ZNF197: variants seen among roughly 807,000 people sequenced by gnomAD.
ZNF197 encodes zinc finger protein 197, also known as VHL-associated KRAB-A domain-containing protein.
Under a neutral mutation model 27.4 loss-of-function variants are expected in ZNF197, and 14 were observed. The ratio of observed to expected loss-of-function variants is 0.51; its 90% CI spans 0.34 to 0.80. The LOEUF (loss-of-function observed/expected upper bound fraction) is 0.80. ZNF197 is among the 30% of genes least tolerant of loss of function. ZNF197 has a pLI of 0.02. For missense variants in ZNF197, 1,090 were observed against 1,222.6 expected (o/e 0.89, Z 1.62); for synonymous variants, 415 against 420.0 (o/e 0.99, Z 0.15).
Position 44,646,367 on chromosome 3 carries a change from C to T in ZNF197, c.*2147C>T, listed in dbSNP as rs940937189. ...AGAATGCTGTGATTTACCTCTTCACCGAGTAACAAAATGTCACATTGCTTA... is the reference window on the plus strand; with the variant it reads ...AGAATGCTGTGATTTACCTCTTCACTGAGTAACAAAATGTCACATTGCTTA... On this transcript the variant is annotated 3_prime_UTR_variant, in exon 6 of 6. Transcript: ENST00000344387. 1.5e-5 allele frequency: 23 copies of T among 1,544,878 alleles called. No homozygotes were observed. The highest frequency in any genetic ancestry group is 2.5e-5 in the South Asian group (2 of 79,272).
At chr3:44,625,870 G>A (rs1317252569) in intron 1 of ZNF197, among the ~76,000 whole-genome samples, 1 of 152,104 alleles carries the variant, frequency 6.6e-6, no homozygotes, top group Non-Finnish European at 1.5e-5. Context: ...GTGGACTGGT[G>A]TTTGGAAACT....
intron 5 of ZNF197, among the ~76,000 whole-genome samples, chr3:44,633,346 C>T (rs1251596859): frequency 2.6e-5 from 4 of 152,106 alleles, no homozygotes; most frequent in African/African-American, 7.2e-5. Context: ...TGATGTGATT[C>T]GGCCCTTAAA....
chr3:44,628,528 C>G (rs1376088754), intron 1 of ZNF197, among the ~76,000 whole-genome samples: 1 of 152,184 alleles, frequency 6.6e-6, no homozygotes, highest in Admixed American at 6.5e-5. Context: ...GATTTTCTCT[C>G]ATATGTATCA....
At chr3:44,635,498 A>T (rs557947865) in intron 5 of ZNF197, among the ~76,000 whole-genome samples, 100 of 152,328 alleles carry the variant, frequency 6.6e-4, no homozygotes, top group Non-Finnish European at 1.2e-3. Flanking sequence ...CTAATAGTAT[A>T]TTATGACACT....
chr3:44,628,414 T>C (rs1701791138), intron 1 of ZNF197, among the ~76,000 whole-genome samples: 1 of 152,202 alleles, frequency 6.6e-6, no homozygotes, highest in Non-Finnish European at 1.5e-5. Flanking sequence ...TATCCAAATA[T>C]TTTGATTAAC....
intron 5 of ZNF197, among the ~76,000 whole-genome samples, chr3:44,633,347 G>A (rs1442064161): frequency 6.6e-6 from 1 of 152,038 alleles, no homozygotes; most frequent in African/African-American, 2.4e-5. Context: ...GATGTGATTC[G>A]GCCCTTAAAT....
chr3:44,631,327 C>T, intron 3 of ZNF197, 106 bp downstream of exon 3: 2 of 1,372,954 alleles, frequency 1.5e-6, no homozygotes, highest in Non-Finnish European at 2.0e-6. Context: ...CTAGGAGTCT[C>T]TTACAGTGCC....
In ZNF197 at chr3:44,632,495, T is replaced by G. The variant is rs1417425987; in HGVS notation, c.665T>G (p.Val222Gly). 1.2e-6 allele frequency: 2 copies of G among 1,604,592 alleles called. No individual in the cohort carries two copies. Among genetic ancestry groups the G allele is most frequent in the African/African-American group, 2.7e-5 (2 of 74,420 alleles). Residue 222 changes from valine to glycine, a missense_variant, in exon 5 of 6, where the codon GTG becomes GGG. Physicochemically the swap from Val to Gly is moderately radical, Grantham distance 109 (BLOSUM62 -3). Coordinates refer to ENST00000344387, the MANE Select transcript of ZNF197 (RefSeq NM_006991.5). ...QPQELVMFEEVSVCFTSEEWA... is the reference protein window; with the variant it reads ...QPQELVMFEEGSVCFTSEEWA... ...CAGGAGTTGGTGATGTTCGAGGAGG[T>G]GTCAGTATGCTTCACTTCAGAGGAA... is the stretch of plus-strand genomic sequence containing the variant.
chr3:44,639,738 G>A (rs1372443698), intron 5 of ZNF197, among the ~76,000 whole-genome samples: 1 of 151,724 alleles, frequency 6.6e-6, no homozygotes, highest in East Asian at 1.9e-4. Context: ...GTAGTGAGTT[G>A]GAAAGAAGAA....
rs1206686388 is a variant in ZNF197, at chr3:44,644,175, G to C, written c.3045G>C (p.Trp1015Cys). The C allele has an allele frequency of 6.2e-7, 1 of 1,610,876 alleles. No individual in the cohort carries two copies. Among genetic ancestry groups the C allele is most frequent in the Non-Finnish European group, 8.5e-7 (1 of 1,179,028 alleles). Residue 1015 changes from tryptophan to cysteine, a missense_variant, in exon 6 of 6, where the codon TGG (tryptophan) becomes TGC (cysteine). Transcript: ENST00000344387. ...QKIHTIEEFS[W>C]LQNTNESKIE... ...TCCATACCATTGAGGAATTCTCTTG[G>C]CTACAAAACACCAATGAGTCCAAGA... is the stretch of plus-strand genomic sequence containing the variant.
At position 44,632,169 on chromosome 3, in the gene ZNF197, A is replaced by G. The variant is rs2272045; in HGVS notation, c.615A>G (p.Ala205=). ...QEENPRNQLM[A]LMLLTAQPQE... is the part of the protein sequence containing the mutation. ...AGAACCCAAGAAATCAATTAATGGC[A>G]CTTATGCTCCTAACAGCCCAGCCCC... The change falls in exon 4 of 6, where the codon GCA becomes GCG. Residue 205 remains alanine, a synonymous_variant. Coordinates refer to ENST00000344387, the MANE Select transcript of ZNF197 (RefSeq NM_006991.5). 34 of 1,613,974 alleles carry G rather than the reference A, an allele frequency of 2.1e-5. No individual in the cohort carries two copies. In the East Asian group the frequency reaches 3.3e-4, roughly 16 times the overall value.
rs1701970172 is a variant in ZNF197 at position 44,631,188 on chromosome 3, C to T, written c.517C>T (p.Leu173=). ...AEICPHPPTD[L]VAFNLQDPQH... ...AATTTGCCCGCATCCTCCTACTGAC[C>T]TAGTGGCATTCAACCTCCAGGATCC... Residue 173 remains leucine (L), a synonymous_variant, in exon 3 of 6, where the codon CTA becomes TTA. Transcript: ENST00000344387. 6.2e-7 allele frequency: 1 copy of T among 1,614,166 alleles called. No homozygotes were observed. Among genetic ancestry groups the T allele is most frequent in the East Asian group, 2.2e-5 (1 of 44,878 alleles).
chr3:44,626,432 C>CA (rs1029970621), intron 1 of ZNF197, among the ~76,000 whole-genome samples: 1 of 152,152 alleles, frequency 6.6e-6, no homozygotes, highest in African/African-American at 2.4e-5. Context: ...ACACTTTAAG[C>CA]AAAGTCACAT....
rs1702927717 is a variant in ZNF197, at chr3:44,645,883, G to T, written c.*1663G>T. 3 of 985,274 alleles carry T rather than the reference G, an allele frequency of 3.0e-6. No homozygotes were observed. Among genetic ancestry groups the T allele is most frequent in the Non-Finnish European group, 3.6e-6 (3 of 829,914 alleles). 61.0% of individuals were successfully genotyped at this position (985,274 alleles called of 1,614,324 possible). Reference sequence around the variant, plus strand: ...TTCTGTGCCCTTGAGTACATTTGTGGGTTTAACTCAGTCTATATTCTTAAG... The same window carrying T: ...TTCTGTGCCCTTGAGTACATTTGTGTGTTTAACTCAGTCTATATTCTTAAG... On this transcript the variant is annotated 3_prime_UTR_variant, in exon 6 of 6. Transcript: ENST00000344387.
rs58334600 is a variant in ZNF197 at position 44,638,488 on chromosome 3, A to C, written c.770-3412A>C. On this transcript the variant is annotated intron_variant, in intron 5 of 5. Transcript: ENST00000344387. ...AATAGCTTTTTAGTGATTTCCAAGG[A>C]TTGTCTATATGCAAGATTTTGTCAT... 8.6e-3 allele frequency among the ~76,000 whole-genome samples: 1,313 copies of C among 152,180 alleles called. 14 individuals carry two copies. Among genetic ancestry groups the C allele is most frequent in the African/African-American group, 0.03 (1,251 of 41,508 alleles).
intron 1 of ZNF197, among the ~76,000 whole-genome samples, chr3:44,627,641 G>C (rs1701747771): frequency 1.3e-5 from 2 of 151,870 alleles, no homozygotes; most frequent in Admixed American, 6.6e-5. Context: ...GACCATCCTG[G>C]CCAACATTGC....
rs545970294 is a variant in ZNF197, at chr3:44,645,872, G to C, written c.*1652G>C. 6.7e-5 allele frequency: 66 copies of C among 985,420 alleles called. No homozygotes were observed. The African/African-American group carries it at 1.2e-3, about 17-fold the overall frequency. 61.0% of individuals were successfully genotyped at this position (985,420 alleles called of 1,614,324 possible). A position where few individuals can be genotyped will look rare whatever the true frequency, so the allele number is the denominator to read the frequency against. Reference sequence around the variant, plus strand: ...CCTGTGAACCATTCTGTGCCCTTGAGTACATTTGTGGGTTTAACTCAGTCT... The same window carrying C: ...CCTGTGAACCATTCTGTGCCCTTGACTACATTTGTGGGTTTAACTCAGTCT... On this transcript the variant is annotated 3_prime_UTR_variant, in exon 6 of 6. Coordinates refer to ENST00000344387, the MANE Select transcript of ZNF197 (RefSeq NM_006991.5).
At chr3:44,632,254 C>T in intron 4 of ZNF197, 58 bp downstream of exon 4, 2 of 1,581,678 alleles carry the variant, frequency 1.3e-6, no homozygotes, top group Non-Finnish European at 1.7e-6. Context: ...GCTGAAGTGC[C>T]CTCTCTCATC....
In ZNF197 at chr3:44,629,533, C is replaced by G; in HGVS notation, c.379C>G (p.Pro127Ala). 1 of 1,559,466 alleles carries G rather than the reference C, an allele frequency of 6.4e-7. No individual in the cohort carries two copies. The highest frequency in any genetic ancestry group is 2.2e-5 in the East Asian group (1 of 44,450). ...VEELQKDLDG[P>A]AIQVPVLVKD... ...GGAGCTGCAGAAAGACCTTGATGGA[C>G]CAGCAATACAAGTGAGAAAGACAGG... Residue 127 changes from proline to alanine, a missense_variant, in exon 2 of 6, where the codon CCA becomes GCA. Coordinates refer to ENST00000344387, the MANE Select transcript of ZNF197 (RefSeq NM_006991.5).
Sources: gnomAD v4.1 joint callset for allele counts (sites outside exome capture counted in the v4.1 genomes callset) on GRCh38, gnomAD v4.1.1 for gene constraint, MANE v1.5 for transcripts, NCBI Gene and HGNC (gene_info 2026-07-23, HGNC 2026-07-21) for gene names.